Variants in MPP7 observed in about 807,000 individuals in gnomAD.
MPP7 encodes the protein MAGUK p55 scaffold protein 7.
In MPP7, 60 loss-of-function variants were observed where a neutral mutation model predicts 76.5. The observed-to-expected ratio is 0.78, with a 90% CI of 0.64 to 0.97. The LOEUF (loss-of-function observed/expected upper bound fraction) is 0.97. MPP7 is among the 50% of genes least tolerant of loss of function. The pLI is 0.00. For synonymous variants in MPP7, 237 were observed against 244.5 expected (o/e 0.97, Z 0.29); for missense variants, 641 against 694.0 (o/e 0.92, Z 0.86).
In MPP7 at chr10:28,056,499, C is replaced by A; in HGVS notation, c.1532G>T (p.Gly511Val). 1 of 1,612,882 alleles carries A rather than the reference C, an allele frequency of 6.2e-7. No individual in the cohort carries two copies. Among genetic ancestry groups the A allele is most frequent in the Non-Finnish European group, 8.5e-7 (1 of 1,179,730 alleles). ...ACTTACTGTGAAGGGTTTTGCAGCA[C>A]CTTGGTCATCTCTGCTTGAAATAAT... ...AKIISSRDDQ[G>V]AAKPFTEEDF... is the part of the protein sequence containing the mutation. The change falls in exon 16 of 17, where the codon GGT becomes GTT. Residue 511 changes from glycine (G) to valine (V), a missense_variant. Coordinates refer to ENST00000683449, the MANE Select transcript of MPP7 (RefSeq NM_001318170.2).
chr10:28,215,743 A>G (rs1302816823), intron 2 of MPP7, among the ~76,000 whole-genome samples: 2 of 152,190 alleles, frequency 1.3e-5, no homozygotes, highest in African/African-American at 4.8e-5. Flanking sequence ...TTATTGTGTA[A>G]AACAGGTATA....
intron 2 of MPP7, among the ~76,000 whole-genome samples, chr10:28,211,412 A>C (rs956384833): frequency 3.3e-5 from 5 of 151,764 alleles, no homozygotes; most frequent in Non-Finnish European, 5.9e-5. Context: ...TGCTTTGAGC[A>C]ACTTCAAGTT....
Position 28,072,238 on chromosome 10 carries a change from C to T in MPP7, c.1124-2386G>A, listed in dbSNP as rs149531912. ...GCAGTAAGCCAAGATTGCACCACTGCACTCCAGCTTGGGCGACAGAGCGAG... is the reference window on the plus strand; with the variant it reads ...GCAGTAAGCCAAGATTGCACCACTGTACTCCAGCTTGGGCGACAGAGCGAG... On this transcript the variant is annotated intron_variant, in intron 12 of 16. Coordinates refer to ENST00000683449, the MANE Select transcript of MPP7 (RefSeq NM_001318170.2). Among the ~76,000 whole-genome samples, 767 of 152,242 alleles carry T rather than the reference C, an allele frequency of 5.0e-3. 3 individuals carry two copies. Among genetic ancestry groups the T allele is most frequent in the African/African-American group, 0.017 (709 of 41,544 alleles).
intron 1 of MPP7, among the ~76,000 whole-genome samples, chr10:28,263,032 G>A (rs1381874567): frequency 6.6e-6 from 1 of 151,892 alleles, no homozygotes; most frequent in Non-Finnish European, 1.5e-5. Flanking sequence ...CTCCAGCCTG[G>A]GCAACAGAGC....
At chr10:28,194,943 A>C (rs1837531910) in intron 3 of MPP7, among the ~76,000 whole-genome samples, 1 of 152,202 alleles carries the variant, frequency 6.6e-6, no homozygotes, top group Non-Finnish European at 1.5e-5. Context: ...GTAAATAATA[A>C]GAGAAACTGG....
chr10:28,057,090 T>C (rs1851584798), intron 15 of MPP7, among the ~76,000 whole-genome samples: 1 of 152,220 alleles, frequency 6.6e-6, no homozygotes, highest in African/African-American at 2.4e-5. Flanking sequence ...TTTGATGTTC[T>C]ATACTCTATA....
intron 3 of MPP7, among the ~76,000 whole-genome samples, chr10:28,185,250 G>A (rs1201806078): frequency 6.7e-6 from 1 of 149,896 alleles, no homozygotes; most frequent in Non-Finnish European, 1.5e-5. Flanking sequence ...AAATATAATT[G>A]TATATTGTTA....
intron 2 of MPP7, among the ~76,000 whole-genome samples, chr10:28,216,570 T>C (rs1421361264): frequency 2.0e-5 from 3 of 152,118 alleles, no homozygotes; most frequent in African/African-American, 7.2e-5. Flanking sequence ...ATGTTTCAAG[T>C]GATACAGAAA....
chr10:28,302,998 G>T lies in MPP7; in HGVS notation c.-269C>A, dbSNP rs1019397372. ...GAGCCAGCGGGCTCGGCACCGCCGC[G>T]GCGGGCGCAGAACGCACGAGCCCAG... On this transcript the variant is annotated 5_prime_UTR_variant, in exon 1 of 17. Coordinates refer to ENST00000683449, the MANE Select transcript of MPP7 (RefSeq NM_001318170.2). 6.7e-6 allele frequency among the ~76,000 whole-genome samples: 1 copy of T among 150,344 alleles called. No individual in the cohort carries two copies. The highest frequency in any genetic ancestry group is 1.5e-5 in the Non-Finnish European group (1 of 67,052).
At chr10:28,202,020 CGCCCG>C in intron 3 of MPP7, 128 bp downstream of exon 3, 1 of 671,208 alleles carries the variant, frequency 1.5e-6, no homozygotes, top group Middle Eastern at 2.6e-4. Flanking sequence ...ACAACTTCCA[CGCCCG>C]TCGGTGAATG....
At chr10:28,227,424 C>T (rs534819666) in intron 2 of MPP7, among the ~76,000 whole-genome samples, 1 of 152,242 alleles carries the variant, frequency 6.6e-6, no homozygotes, top group East Asian at 1.9e-4. Flanking sequence ...AGGTATTAAG[C>T]CCCACATGCA....
At chr10:28,138,178 G>A (rs1835406372) in intron 5 of MPP7, among the ~76,000 whole-genome samples, 1 of 152,184 alleles carries the variant, frequency 6.6e-6, no homozygotes, top group South Asian at 2.1e-4. Context: ...TAGAGATGAT[G>A]TCACTTCACT....
intron 12 of MPP7, 145 bp from the exon 13 acceptor site, chr10:28,069,997 C>G (rs1852162359): frequency 1.6e-6 from 1 of 618,868 alleles, no homozygotes; most frequent in Admixed American, 2.8e-5. Flanking sequence ...TTAACTTGAA[C>G]TTAAGAAAAT....
intron 1 of MPP7, among the ~76,000 whole-genome samples, chr10:28,268,302 G>C (rs1459706072): frequency 6.6e-6 from 1 of 152,202 alleles, no homozygotes; most frequent in Non-Finnish European, 1.5e-5. Flanking sequence ...TAAAGAAGAT[G>C]TGGCTGGAAC....
At chr10:28,208,804 T>C (rs1209334559) in intron 2 of MPP7, among the ~76,000 whole-genome samples, 1 of 152,158 alleles carries the variant, frequency 6.6e-6, no homozygotes, top group African/African-American at 2.4e-5. Flanking sequence ...ATCTTCTATA[T>C]GGAGATTTAT....
Position 28,053,973 on chromosome 10 carries a change from A to C in MPP7, c.*92T>G. ...TGAACCAAGATTGTACATCTATGAC[A>C]GTGATATAGATTTAAAAACCCTACT... On this transcript the variant is annotated 3_prime_UTR_variant, in exon 17 of 17. Coordinates refer to ENST00000683449, the MANE Select transcript of MPP7 (RefSeq NM_001318170.2). The C allele has an allele frequency of 1.1e-6, 1 of 920,862 alleles. No individual in the cohort carries two copies. Among genetic ancestry groups the C allele is most frequent in the Non-Finnish European group, 1.7e-6 (1 of 576,944 alleles). The allele number at this position is 920,862 out of a possible 1,614,324, so 57.0% of individuals were successfully genotyped here. A position where few individuals can be genotyped will look rare whatever the true frequency, so the allele number is the denominator to read the frequency against.
At chr10:28,274,911 T>G (rs564971341) in intron 1 of MPP7, among the ~76,000 whole-genome samples, 2 of 152,196 alleles carry the variant, frequency 1.3e-5, no homozygotes, top group South Asian at 4.1e-4. Context: ...ATTTTATCCT[T>G]AGATTCTAAG....
intron 3 of MPP7, among the ~76,000 whole-genome samples, chr10:28,181,237 GGAAA>G (rs1222228320): frequency 6.6e-6 from 1 of 152,036 alleles, no homozygotes; most frequent in Non-Finnish European, 1.5e-5. Flanking sequence ...ACGTGAAAAT[GGAAA>G]GAATGATAAA....
chr10:28,325,568 G>T (rs565522544), intron 2 of MPP7, among the ~76,000 whole-genome samples: 2 of 151,744 alleles, frequency 1.3e-5, no homozygotes, highest in Non-Finnish European at 2.9e-5. Flanking sequence ...ATCTCAGCTC[G>T]CTGCAACCTC....
Sources: allele counts gnomAD v4.1 joint callset (sites outside exome capture counted in the v4.1 genomes callset), GRCh38; gene constraint gnomAD v4.1.1; transcripts MANE v1.5; gene names NCBI Gene and HGNC (gene_info 2026-07-23, HGNC 2026-07-21).